The following ADAM17 variants were observed in gnomAD, a reference collection of about 807,000 sequenced individuals.
The protein encoded by ADAM17 is disintegrin and metalloproteinase domain-containing protein 17.
A neutral mutation model predicts 96.7 loss-of-function variants in ADAM17; 39 were observed. The ratio of observed to expected loss-of-function variants is 0.40; its 90% CI spans 0.31 to 0.53. ADAM17 has a LOEUF of 0.53. Ranked by LOEUF, ADAM17 falls within the 20% of genes least tolerant of loss-of-function variation. ADAM17 has a pLI of 0.44. For missense variants in ADAM17, 777 were observed against 1,013.2 expected (o/e 0.77, Z 3.17); for synonymous variants, 344 against 359.2 (o/e 0.96, Z 0.48).
At chr2:9,530,762 T>G (rs1664704653) in intron 4 of ADAM17, among the ~76,000 whole-genome samples, 1 of 152,158 alleles carries the variant, frequency 6.6e-6, no homozygotes, top group South Asian at 2.1e-4. Context: ...CCTTTATTCC[T>G]AAGGATGCAT....
chr2:9,489,335 A>G lies in ADAM17; in HGVS notation c.*842T>C, dbSNP rs935545225. On this transcript the variant is annotated 3_prime_UTR_variant, in exon 19 of 19. Transcript: ENST00000310823. Reference sequence around the variant, plus strand: ...GGCTGGAGTGTAGTGGCGCAACCTCAGCCTCTCCAAGTGCTGGGATTACAG... The same window carrying G: ...GGCTGGAGTGTAGTGGCGCAACCTCGGCCTCTCCAAGTGCTGGGATTACAG... 4 of 139,932 alleles carry G rather than the reference A, an allele frequency of 2.9e-5. No individual in the cohort carries two copies. Among genetic ancestry groups the G allele is most frequent in the Non-Finnish European group, 6.0e-5 (4 of 66,862 alleles). The allele number at this position is 139,932 out of a possible 1,614,324, so 8.7% of individuals were successfully genotyped here. A position where few individuals can be genotyped will look rare whatever the true frequency, so the allele number is the denominator to read the frequency against.
intron 10 of ADAM17, among the ~76,000 whole-genome samples, chr2:9,515,534 C>T (rs1340689130): frequency 1.3e-5 from 2 of 151,832 alleles, no homozygotes; most frequent in South Asian, 2.1e-4. Flanking sequence ...GTCAGGAGTT[C>T]GAGACCAGCC....
intron 4 of ADAM17, among the ~76,000 whole-genome samples, chr2:9,531,362 T>C (rs1055790766): frequency 6.6e-6 from 1 of 150,592 alleles, no homozygotes; most frequent in Admixed American, 6.6e-5. Flanking sequence ...GGTCAGAAGT[T>C]CAAGACCAGC....
At chr2:9,555,288 T>G (rs1485591758) in intron 1 of ADAM17, among the ~76,000 whole-genome samples, 2 of 152,192 alleles carry the variant, frequency 1.3e-5, no homozygotes, top group African/African-American at 4.8e-5. Context: ...AGTCACTACA[T>G]GGAGCCCGTC....
At chr2:9,514,355 C>A in intron 10 of ADAM17, among the ~76,000 whole-genome samples, 1 of 67,932 alleles carries the variant, frequency 1.5e-5, no homozygotes, top group Admixed American at 2.7e-4. Flanking sequence ...CGGTGCCTGT[C>A]GTGGGGTGGG....
chr2:9,533,092 G>A (rs983291148), intron 4 of ADAM17, among the ~76,000 whole-genome samples: 2 of 152,002 alleles, frequency 1.3e-5, no homozygotes, highest in Non-Finnish European at 2.9e-5. Context: ...AAGGGACTGA[G>A]GCAGGAGAAT....
chr2:9,549,310 G>T (rs1665511825), intron 1 of ADAM17, among the ~76,000 whole-genome samples: 1 of 152,176 alleles, frequency 6.6e-6, no homozygotes, highest in Non-Finnish European at 1.5e-5. Flanking sequence ...GGCAGAGGTT[G>T]CAGTGAGTGA....
At chr2:9,514,524 T>C (rs1354573989) in intron 10 of ADAM17, among the ~76,000 whole-genome samples, 1 of 4,742 alleles carries the variant, frequency 2.1e-4, no homozygotes, top group South Asian at 3.3e-3. Context: ...TATAAATATA[T>C]ATATATATAT....
At position 9,527,882 on chromosome 2, in the gene ADAM17, C is replaced by T. The variant is rs1008756508; in HGVS notation, c.523G>A (p.Val175Ile). ...ACTTTTGGAGACTGCAAACGTGAAACATTCTTGATATCTTCAGATTTATAA... is the reference window on the plus strand; with the variant it reads ...ACTTTTGGAGACTGCAAACGTGAAATATTCTTGATATCTTCAGATTTATAA... ...LVYKSEDIKN[V>I]SRLQSPKVCG... is the part of the protein sequence containing the mutation. Residue 175 changes from valine (V) to isoleucine (I), a missense_variant, in exon 5 of 19, where the codon GTT becomes ATT. Val to Ile is a conservative substitution (Grantham distance 29, BLOSUM62 3). Coordinates refer to ENST00000310823, the MANE Select transcript of ADAM17 (RefSeq NM_003183.6). 7 of 1,598,042 alleles carry T rather than the reference C, an allele frequency of 4.4e-6. No individual in the cohort carries two copies. Among genetic ancestry groups the T allele is most frequent in the Non-Finnish European group, 5.1e-6 (6 of 1,170,710 alleles).
At position 9,489,377 on chromosome 2, in the gene ADAM17, C is replaced by T. The variant is rs1186660543; in HGVS notation, c.*800G>A. The T allele has an allele frequency of 6.7e-6, 1 of 150,362 alleles. No homozygotes were observed. The highest frequency in any genetic ancestry group is 6.6e-5 in the Admixed American group (1 of 15,046). The allele number at this position is 150,362 out of a possible 1,614,324, so 9.3% of individuals were successfully genotyped here. ...GGATTACAGGCATGAGCCACCACTC[C>T]CAGCCAATAGTGAATTTTCTAAGAG... On this transcript the variant is annotated 3_prime_UTR_variant, in exon 19 of 19. Transcript: ENST00000310823.
chr2:9,539,945 T>G (rs1288972321), intron 2 of ADAM17, among the ~76,000 whole-genome samples: 2 of 152,224 alleles, frequency 1.3e-5, no homozygotes, highest in African/African-American at 4.8e-5. Flanking sequence ...TTCCATAGAC[T>G]GTTAGATAAA....
intron 10 of ADAM17, 23 bp from the exon 11 acceptor site, chr2:9,510,154 C>T (rs747403301): frequency 7.4e-6 from 12 of 1,613,060 alleles, no homozygotes; most frequent in African/African-American, 1.3e-5. Context: ...GCAAAGAAAA[C>T]ATTATTTCTC....
intron 1 of ADAM17, among the ~76,000 whole-genome samples, chr2:9,549,868 T>G (rs1665529215): frequency 6.6e-6 from 1 of 152,132 alleles, no homozygotes; most frequent in African/African-American, 2.4e-5. Context: ...AATTGCATTT[T>G]CCTAAAATAC....
intron 14 of ADAM17, chr2:9,494,975 TA>T (rs1225954454): frequency 2.5e-3 from 1,060 of 432,592 alleles, no homozygotes; most frequent in East Asian, 3.0e-3. Flanking sequence ...CCACAAGGTT[TA>T]AAAAAAAATG....
chr2:9,537,855 T>C lies in ADAM17; in HGVS notation c.231-1027A>G, dbSNP rs1035924859. ...GACAGACATTAGAATATAGACTCCATTGGCACCAGAAGACAGGAAAAGAGG... is the reference window on the plus strand; with the variant it reads ...GACAGACATTAGAATATAGACTCCACTGGCACCAGAAGACAGGAAAAGAGG... On this transcript the variant is annotated intron_variant, in intron 2 of 18. Transcript: ENST00000310823. Among the ~76,000 whole-genome samples, 15 of 140,892 alleles carry C rather than the reference T, an allele frequency of 1.1e-4. No individual in the cohort carries two copies. In the East Asian group the frequency reaches 1.3e-3, roughly 12 times the overall value. 92.4% of individuals were successfully genotyped at this position (140,892 alleles called of 152,430 possible).
intron 1 of ADAM17, among the ~76,000 whole-genome samples, chr2:9,548,638 C>G (rs1473298993): frequency 3.3e-5 from 5 of 152,122 alleles, no homozygotes; most frequent in African/African-American, 1.2e-4. Flanking sequence ...GTTCCTTATA[C>G]ACAGTTGCAA....
At position 9,523,464 on chromosome 2, in the gene ADAM17, G is replaced by A. The variant is rs967462511; in HGVS notation, c.754-126C>T. The A allele has an allele frequency of 2.0e-5, 14 of 704,224 alleles. 1 individual carries two copies. In the Admixed American group the frequency reaches 2.1e-4, roughly 10 times the overall value. The allele number at this position is 704,224 out of a possible 1,614,324, so 43.6% of individuals were successfully genotyped here. On this transcript the variant is annotated intron_variant, in intron 6 of 18. Coordinates refer to ENST00000310823, the MANE Select transcript of ADAM17 (RefSeq NM_003183.6). Reference sequence around the variant, plus strand: ...GGCCATTGCAAAAGTTTCTACTTTCGCAAAAACTAGCATTGAGATGTTACT... The same window carrying A: ...GGCCATTGCAAAAGTTTCTACTTTCACAAAAACTAGCATTGAGATGTTACT...
intron 6 of ADAM17, among the ~76,000 whole-genome samples, chr2:9,524,989 T>C (rs1485417900): frequency 6.6e-6 from 1 of 152,188 alleles, no homozygotes; most frequent in African/African-American, 2.4e-5. Context: ...TCTCTCATTA[T>C]ATTCATATTT....
chr2:9,507,668 C>T (rs975491193), intron 11 of ADAM17, among the ~76,000 whole-genome samples: 2 of 151,894 alleles, frequency 1.3e-5, no homozygotes, highest in African/African-American at 4.8e-5. Flanking sequence ...ACTGGCAGCT[C>T]CAGAAAAAAA....
Sources: allele counts gnomAD v4.1 joint callset (sites outside exome capture counted in the v4.1 genomes callset), GRCh38; gene constraint gnomAD v4.1.1; transcripts MANE v1.5; gene names NCBI Gene and HGNC (gene_info 2026-07-23, HGNC 2026-07-21).